PAFAH1B1: variants seen among roughly 807,000 people sequenced by gnomAD.
The protein encoded by PAFAH1B1 is platelet activating factor acetylhydrolase 1b regulatory subunit 1, also known as platelet-activating factor acetylhydrolase IB subunit beta.
Under a neutral mutation model 57.5 loss-of-function variants are expected in PAFAH1B1, and 2 were observed. That is an observed-to-expected ratio of 0.03 (90% confidence interval 0.01 to 0.11). The LOEUF (loss-of-function observed/expected upper bound fraction) is 0.11. Among genes scored for constraint, PAFAH1B1 ranks in the 10% least tolerant of loss-of-function variants. PAFAH1B1 has a pLI of 1.00. For missense variants in PAFAH1B1, 257 were observed against 512.0 expected, an observed-to-expected ratio of 0.50 and a Z score of 4.81; for synonymous variants, 152 against 169.6, an observed-to-expected ratio of 0.90 and a Z score of 0.81.
chr17:2,616,323 G>T (rs79573085), intron 1 of PAFAH1B1, among the ~76,000 whole-genome samples: 1 of 152,264 alleles, frequency 6.6e-6, no homozygotes, highest in East Asian at 1.9e-4. Context: ...CTCCAGAGAA[G>T]CAAGGCCAAT....
chr17:2,669,495 G>T (rs1308617079), intron 5 of PAFAH1B1, among the ~76,000 whole-genome samples: 2 of 152,080 alleles, frequency 1.3e-5, no homozygotes, highest in Non-Finnish European at 2.9e-5. Context: ...AACTGACCTC[G>T]TGGTCCGCCC....
intron 5 of PAFAH1B1, among the ~76,000 whole-genome samples, chr17:2,668,425 G>GC (rs751725291): frequency 5.3e-5 from 8 of 152,202 alleles, no homozygotes; most frequent in Non-Finnish European, 1.2e-4. Flanking sequence ...GGTAGCTCAT[G>GC]CCTATAGTCC....
Position 2,685,003 on chromosome 17 carries a change from C to T in PAFAH1B1, c.*3201C>T, listed in dbSNP as rs1165190072. On this transcript the variant is annotated 3_prime_UTR_variant, in exon 11 of 11. Coordinates refer to ENST00000397195, the MANE Select transcript of PAFAH1B1 (RefSeq NM_000430.4). ...CATCGGTGGCTCGATCATCCTTAAG[C>T]AACTGAAGTTAAAATTGTTGAAGGA... 1 of 152,076 alleles carries T rather than the reference C, an allele frequency of 6.6e-6. No individual in the cohort carries two copies. The highest frequency in any genetic ancestry group is 6.6e-5 in the Admixed American group (1 of 15,254). The allele number at this position is 152,076 out of a possible 1,614,324, so 9.4% of individuals were successfully genotyped here.
chr17:2,613,201 G>A (rs1364149543), intron 1 of PAFAH1B1: 2 of 166,572 alleles, frequency 1.2e-5, no homozygotes, highest in Non-Finnish European at 2.7e-5. Context: ...AATGCAAGCT[G>A]TGGGAGGCAG....
At chr17:2,626,653 C>T (rs2068497747) in intron 1 of PAFAH1B1, among the ~76,000 whole-genome samples, 1 of 146,070 alleles carries the variant, frequency 6.8e-6, no homozygotes, top group African/African-American at 2.5e-5. Context: ...CTCCCTGGTT[C>T]AAGCAATTCA....
chr17:2,673,735 CAA>C (rs991283437), intron 7 of PAFAH1B1: 1 of 289,922 alleles, frequency 3.4e-6, no homozygotes, highest in Admixed American at 4.7e-5. Flanking sequence ...TTTTGTAGTA[CAA>C]AGTTACTAGT....
intron 1 of PAFAH1B1, among the ~76,000 whole-genome samples, chr17:2,601,166 T>G (rs1567522257): frequency 1.3e-5 from 2 of 152,104 alleles, no homozygotes; most frequent in South Asian, 4.2e-4. Flanking sequence ...CTGAGTCTCG[T>G]TCTTGTCGCC....
At chr17:2,626,462 G>A (rs1180133607) in intron 1 of PAFAH1B1, among the ~76,000 whole-genome samples, 1 of 150,854 alleles carries the variant, frequency 6.6e-6, no homozygotes, top group African/African-American at 2.4e-5. Context: ...GAGTTAAAGG[G>A]TGCCTTAGAT....
intron 1 of PAFAH1B1, among the ~76,000 whole-genome samples, chr17:2,627,491 G>T (rs923026576): frequency 6.6e-6 from 1 of 152,048 alleles, no homozygotes; most frequent in Non-Finnish European, 1.5e-5. Flanking sequence ...TGGTGACTAT[G>T]GCCTTATAGT....
Position 2,664,665 on chromosome 17 carries a change from G to GCGCGCGCTCTCTCTCT in PAFAH1B1, c.33-706_33-705insGCGCGCTCTCTCTCTC. Among the ~76,000 whole-genome samples the GCGCGCGCTCTCTCTCT allele has an allele frequency of 5.9e-4, 51 of 86,082 alleles. 1 individual carries two copies. Among genetic ancestry groups the GCGCGCGCTCTCTCTCT allele is most frequent in the African/African-American group, 1.8e-3 (47 of 25,660 alleles). The allele number at this position is 86,082 out of a possible 152,430, so 56.5% of individuals were successfully genotyped here. ...TGATATATATCTATATCTATCTATC[G>GCGCGCGCTCTCTCTCT]CTCTCTCTCTCTCTCTCTCTCTCTC... On this transcript the variant is annotated intron_variant, in intron 2 of 10. Transcript: ENST00000397195.
intron 9 of PAFAH1B1, among the ~76,000 whole-genome samples, chr17:2,678,085 C>T (rs1321019401): frequency 1.3e-5 from 2 of 151,606 alleles, no homozygotes; most frequent in East Asian, 1.9e-4. Flanking sequence ...GGTGAAACCC[C>T]GTCTCTACTA....
At position 2,680,027 on chromosome 17, in the gene PAFAH1B1, A is replaced by G. The variant is rs572040189; in HGVS notation, c.1003-137A>G. 4.9e-6 allele frequency: 4 copies of G among 810,400 alleles called. No homozygotes were observed. In the South Asian group the frequency reaches 6.3e-5, roughly 13 times the overall value. 50.2% of individuals were successfully genotyped at this position (810,400 alleles called of 1,614,324 possible). A position where few individuals can be genotyped will look rare whatever the true frequency, so the allele number is the denominator to read the frequency against. ...GTCTTATGAGTTTTCAGTTTCCTTT[A>G]ATCTAGAATCCCCTAGACTTTTATT... is the stretch of plus-strand genomic sequence containing the variant. On this transcript the variant is annotated intron_variant, in intron 9 of 10. Coordinates refer to ENST00000397195, the MANE Select transcript of PAFAH1B1 (RefSeq NM_000430.4).
At chr17:2,631,813 G>A (rs774449210) in intron 1 of PAFAH1B1, among the ~76,000 whole-genome samples, 5 of 152,202 alleles carry the variant, frequency 3.3e-5, no homozygotes, top group Admixed American at 6.5e-5. Flanking sequence ...GCAAGCCTCT[G>A]CATGCAGCTC....
intron 1 of PAFAH1B1, among the ~76,000 whole-genome samples, chr17:2,619,025 G>A (rs796797931): frequency 1.2e-4 from 18 of 150,650 alleles, no homozygotes; most frequent in African/African-American, 4.4e-4. Flanking sequence ...AATTCTTCAC[G>A]ATGTTAAACG....
At chr17:2,673,156 G>A (rs757382330) in intron 7 of PAFAH1B1, among the ~76,000 whole-genome samples, 15 of 150,868 alleles carry the variant, frequency 9.9e-5, no homozygotes, top group South Asian at 2.1e-4. Context: ...ACTTTAACCC[G>A]GAATGATCAT....
intron 1 of PAFAH1B1, among the ~76,000 whole-genome samples, chr17:2,621,236 C>T (rs1020658507): frequency 6.6e-6 from 1 of 152,126 alleles, no homozygotes; most frequent in African/African-American, 2.4e-5. Flanking sequence ...ATCCTTCACC[C>T]TCCGAAAGGC....
At chr17:2,660,915 C>T (rs115349021) in intron 2 of PAFAH1B1, among the ~76,000 whole-genome samples, 10,541 of 152,108 alleles carry the variant, frequency 0.069, 382 homozygotes, top group African/African-American at 0.098. Context: ...CAGCATCTTT[C>T]GTTTCTTGAC....
In PAFAH1B1 at chr17:2,667,335, A is replaced by C. The variant is rs1051380286; in HGVS notation, c.399+137A>C. 3 of 621,874 alleles carry C rather than the reference A, an allele frequency of 4.8e-6. No individual in the cohort carries two copies. The East Asian group carries it at 9.1e-5, about 19-fold the overall frequency. 38.5% of individuals were successfully genotyped at this position (621,874 alleles called of 1,614,324 possible). On this transcript the variant is annotated intron_variant, in intron 5 of 10. Coordinates refer to ENST00000397195, the MANE Select transcript of PAFAH1B1 (RefSeq NM_000430.4). The stretch of plus-strand genomic sequence containing the variant: ...GGCGACAGAGCCACACTCTGTCTCA[A>C]AAAAAAAAAGCAGACTTAATAGGGT...
At chr17:2,671,041 T>C (rs1324912582) in intron 6 of PAFAH1B1, among the ~76,000 whole-genome samples, 2 of 152,156 alleles carry the variant, frequency 1.3e-5, no homozygotes, top group Admixed American at 1.3e-4. Context: ...ATGATGACAT[T>C]TGAATGTTGG....
Sources: allele counts gnomAD v4.1 joint callset (sites outside exome capture counted in the v4.1 genomes callset), GRCh38; gene constraint gnomAD v4.1.1; transcripts MANE v1.5; gene names NCBI Gene and HGNC (gene_info 2026-07-23, HGNC 2026-07-21).